SLC39A12: variants seen among roughly 807,000 people sequenced by gnomAD.
SLC39A12 encodes the protein zinc transporter ZIP12.
A neutral mutation model predicts 71.1 loss-of-function variants in SLC39A12; 63 were observed. That is an observed-to-expected ratio of 0.89 (90% CI 0.72 to 1.09). The LOEUF (loss-of-function observed/expected upper bound fraction) is 1.09. Ranked by LOEUF, SLC39A12 falls within the 50% of genes least tolerant of loss-of-function variation. SLC39A12 has a pLI of 0.00. For missense variants in SLC39A12, 892 were observed against 812.6 expected, an observed-to-expected ratio of 1.10 and a Z score of -1.19; for synonymous variants, 351 against 301.3, an observed-to-expected ratio of 1.16 and a Z score of -1.71.
chr10:17,961,836 C>CAGTA lies in SLC39A12; in HGVS notation c.518_521dup (p.Tyr174Ter), dbSNP rs1554848448. 6.2e-7 allele frequency: 1 copy of CAGTA among 1,613,772 alleles called. No homozygotes were observed. The highest frequency in any genetic ancestry group is 1.7e-5 in the Admixed American group (1 of 59,984). On this transcript the variant is annotated stop_gained and frameshift_variant, in exon 3 of 13. Coordinates refer to ENST00000377369, the MANE Select transcript of SLC39A12 (RefSeq NM_001145195.2). LOFTEE classifies it high-confidence loss of function. ...AGAAGATATCTTGGCTTTCACCAGG[C>CAGTA]AGTACTTTGACACTTCTCAAAGCCA...
At chr10:18,036,781 TATATATATATATA>T (rs1193454499) in intron 12 of SLC39A12, among the ~76,000 whole-genome samples, 422 of 14,174 alleles carry the variant, frequency 0.03, 24 homozygotes, top group Non-Finnish European at 0.052. Context: ...TATATATATA[TATATATATATATA>T]TTTTTTTTTT....
chr10:17,993,362 A>C, intron 9 of SLC39A12, 71 bp downstream of exon 9: 1 of 1,049,008 alleles, frequency 9.5e-7, no homozygotes, highest in South Asian at 1.4e-5. Context: ...TGAACAAATG[A>C]AAATCAGTAG....
chr10:17,971,263 TCCCC>T (rs1834966289), intron 4 of SLC39A12, among the ~76,000 whole-genome samples: 1 of 23,612 alleles, frequency 4.2e-5, no homozygotes, highest in Non-Finnish European at 8.6e-5. Flanking sequence ...GGCCTGCCCC[TCCCC>T]TCCCCTCCCC....
At chr10:17,992,998 C>G (rs184333663) in intron 8 of SLC39A12, among the ~76,000 whole-genome samples, 183 bp from the exon 9 acceptor site, 3 of 152,184 alleles carry the variant, frequency 2.0e-5, no homozygotes, top group Admixed American at 2.0e-4. Flanking sequence ...TACCACTATT[C>G]AAGCCTTCTT....
At chr10:18,003,415 GA>G (rs769955497) in intron 12 of SLC39A12, 57 bp downstream of exon 12, 55 of 1,437,156 alleles carry the variant, frequency 3.8e-5, no homozygotes, top group Non-Finnish European at 4.8e-5. Context: ...GTAAAACAGA[GA>G]AAAAAAACAG....
intron 12 of SLC39A12, among the ~76,000 whole-genome samples, chr10:18,016,722 C>T (rs2497769): frequency 0.47 from 72,071 of 151,904 alleles, 17,578 homozygotes; most frequent in Non-Finnish European, 0.54. Flanking sequence ...GTCAGTGTTA[C>T]GGGTTTTGGC....
intron 2 of SLC39A12, among the ~76,000 whole-genome samples, chr10:17,954,169 C>A (rs782055324): frequency 3.9e-5 from 6 of 152,280 alleles, no homozygotes; most frequent in Non-Finnish European, 7.4e-5. Context: ...TCCCAGCATA[C>A]CCATGTTTAG....
chr10:18,020,728 G>C (rs1836510846), intron 12 of SLC39A12, among the ~76,000 whole-genome samples: 1 of 152,052 alleles, frequency 6.6e-6, no homozygotes, highest in Admixed American at 6.6e-5. Flanking sequence ...TAGTGATATA[G>C]AGCATTTTTT....
At chr10:18,026,523 A>G (rs2130883859) in intron 12 of SLC39A12, among the ~76,000 whole-genome samples, 1 of 152,158 alleles carries the variant, frequency 6.6e-6, no homozygotes, top group East Asian at 1.9e-4. Flanking sequence ...TTTAAAGCAT[A>G]TCTCTTGCTT....
At chr10:18,003,493 T>G in intron 12 of SLC39A12, 135 bp downstream of exon 12, 1 of 764,382 alleles carries the variant, frequency 1.3e-6, no homozygotes, top group Non-Finnish European at 1.9e-6. Context: ...TTAAGGAATA[T>G]TCTTTGTACT....
rs1835003102 is a variant in SLC39A12, at chr10:17,972,590, C to A, written c.752-5312C>A. ...TGACACTTTTATCATTATATAGTGA[C>A]CTTTGTCCCTTCTTACAGTCTTTGT... On this transcript the variant is annotated intron_variant, in intron 4 of 12. Transcript: ENST00000377369. Among the ~76,000 whole-genome samples, 5 of 152,166 alleles carry A rather than the reference C, an allele frequency of 3.3e-5. No homozygotes were observed. In the South Asian group the frequency reaches 1.0e-3, roughly 32 times the overall value.
chr10:18,038,518 T>C (rs1227693878), intron 12 of SLC39A12, among the ~76,000 whole-genome samples: 1 of 152,028 alleles, frequency 6.6e-6, no homozygotes, highest in Non-Finnish European at 1.5e-5. Context: ...GGTGTGGTGG[T>C]GTGTGCCTGT....
intron 4 of SLC39A12, among the ~76,000 whole-genome samples, chr10:17,975,696 G>C (rs692097): frequency 0.47 from 71,853 of 151,890 alleles, 17,255 homozygotes; most frequent in East Asian, 0.62. Context: ...GTGCCCCACT[G>C]TCGAAGTCCA....
At chr10:18,038,525 C>G (rs138323996) in intron 12 of SLC39A12, among the ~76,000 whole-genome samples, 3 of 152,068 alleles carry the variant, frequency 2.0e-5, no homozygotes, top group African/African-American at 7.2e-5. Context: ...TGGTGTGTGC[C>G]TGTAATCCCA....
Position 17,953,435 on chromosome 10 carries a change from T to TGACC in SLC39A12, c.160_163dup (p.His55ArgfsTer37). 3.1e-6 allele frequency: 5 copies of TGACC among 1,614,186 alleles called. No homozygotes were observed. Among genetic ancestry groups the TGACC allele is most frequent in the Non-Finnish European group, 4.2e-6 (5 of 1,180,042 alleles). Reference sequence around the variant, plus strand: ...ACCTGCTACAGGTTCTCTCTGCTGGTGACCACCCACCCCACAACCACTCAA... The same window carrying TGACC: ...ACCTGCTACAGGTTCTCTCTGCTGGTGACCGACCACCCACCCCACAACCACTCAA... On this transcript the variant is annotated frameshift_variant, in exon 2 of 13. Transcript: ENST00000377369. LOFTEE classifies it high-confidence loss of function.
intron 12 of SLC39A12, among the ~76,000 whole-genome samples, chr10:18,029,937 T>C (rs923994971): frequency 2.0e-5 from 3 of 151,696 alleles, no homozygotes; most frequent in Non-Finnish European, 4.4e-5. Context: ...TGGAAAGCTA[T>C]AATTAGATAG....
chr10:17,980,362 C>G (rs1564645226), intron 5 of SLC39A12, among the ~76,000 whole-genome samples: 1 of 152,040 alleles, frequency 6.6e-6, no homozygotes, highest in African/African-American at 2.4e-5. Flanking sequence ...TACAGTGTGG[C>G]AAACCAAATC....
intron 10 of SLC39A12, among the ~76,000 whole-genome samples, chr10:17,997,397 T>C (rs968311792): frequency 3.3e-5 from 5 of 152,248 alleles, no homozygotes; most frequent in Non-Finnish European, 7.3e-5. Flanking sequence ...TGTCCATTTC[T>C]GCTTTTAGAA....
intron 12 of SLC39A12, among the ~76,000 whole-genome samples, chr10:18,026,202 C>A (rs947198986): frequency 3.3e-5 from 5 of 152,168 alleles, no homozygotes; most frequent in Admixed American, 3.3e-4. Context: ...TCCCTTGTCT[C>A]TGAAGAATTT....
Sources: gnomAD v4.1 joint callset for allele counts (sites outside exome capture counted in the v4.1 genomes callset) on GRCh38, gnomAD v4.1.1 for gene constraint, MANE v1.5 for transcripts, NCBI Gene and HGNC (gene_info 2026-07-23, HGNC 2026-07-21) for gene names.